FBXL2: variants seen among roughly 807,000 people sequenced by gnomAD.
FBXL2 encodes F-box and leucine rich repeat protein 2, also known as F-box/LRR-repeat protein 2.
A neutral mutation model predicts 69.2 loss-of-function variants in FBXL2; 38 were observed. The ratio of observed to expected loss-of-function variants is 0.55; its 90% confidence interval spans 0.42 to 0.72. The LOEUF (loss-of-function observed/expected upper bound fraction) is 0.72, where lower values mean the gene tolerates loss of function less well. Among genes scored for constraint, FBXL2 ranks in the 30% least tolerant of loss-of-function variants. The pLI, the probability that FBXL2 is intolerant of heterozygous loss-of-function variation, is 0.00. For missense variants in FBXL2, 354 were observed against 520.3 expected (o/e 0.68, Z 3.11); for synonymous variants, 192 against 201.3 (o/e 0.95, Z 0.39).
intron 5 of FBXL2, among the ~76,000 whole-genome samples, chr3:33,367,460 A>G (rs1206764924): frequency 6.6e-6 from 1 of 152,138 alleles, no homozygotes. Context: ...CTTTCAAGGA[A>G]TTTGTCAATT....
chr3:33,306,561 G>T (rs1202937036), intron 2 of FBXL2, among the ~76,000 whole-genome samples: 1 of 152,084 alleles, frequency 6.6e-6, no homozygotes, highest in Non-Finnish European at 1.5e-5. Context: ...TAATCTGCAG[G>T]TCCCCTCTCC....
chr3:33,317,409 A>G (rs1045989214), intron 2 of FBXL2: 1 of 454,872 alleles, frequency 2.2e-6, no homozygotes, highest in Non-Finnish European at 4.4e-6. Flanking sequence ...CCTCTCCATC[A>G]GATCTGGATG....
intron 2 of FBXL2, among the ~76,000 whole-genome samples, chr3:33,332,768 A>G (rs1314010602): frequency 6.6e-6 from 1 of 152,218 alleles, no homozygotes; most frequent in African/African-American, 2.4e-5. Context: ...TGATTGTAAC[A>G]CGGTGGTATT....
At chr3:33,369,704 C>T (rs1019423880) in intron 5 of FBXL2, among the ~76,000 whole-genome samples, 1 of 152,060 alleles carries the variant, frequency 6.6e-6, no homozygotes, top group Non-Finnish European at 1.5e-5. Context: ...CGTCTGCCTC[C>T]CAGGTTCAAG....
At chr3:33,378,889 G>T in intron 13 of FBXL2, 148 bp downstream of exon 13, 2 of 1,427,416 alleles carry the variant, frequency 1.4e-6, no homozygotes. Context: ...TGGGAGGCAA[G>T]GTATCTAAAT....
At chr3:33,308,381 A>C (rs2036902546) in intron 2 of FBXL2, among the ~76,000 whole-genome samples, 1 of 152,194 alleles carries the variant, frequency 6.6e-6, no homozygotes, top group Non-Finnish European at 1.5e-5. Flanking sequence ...CATTTTCAGT[A>C]CACTGAATTT....
chr3:33,411,784 T>C, the FBXL2 span: 1 of 946,382 alleles, frequency 1.1e-6, no homozygotes, highest in Non-Finnish European at 1.7e-6. Flanking sequence ...TAACTGTAAC[T>C]GCTTTGAACT....
rs1458471434 is a variant in FBXL2, at chr3:33,337,909, G to C, written c.66-21058G>C. Among the ~76,000 whole-genome samples the C allele has an allele frequency of 2.0e-5, 3 of 152,170 alleles. No individual in the cohort carries two copies. The East Asian group carries it at 5.8e-4, about 29-fold the overall frequency. On this transcript the variant is annotated intron_variant, in intron 2 of 14. Coordinates refer to ENST00000484457, the MANE Select transcript of FBXL2 (RefSeq NM_012157.5). ...AATGCCTAGCAAAACAGCTAACTAG[G>C]GAAGTGAAAGATCTCTACAATGAGA...
intron 2 of FBXL2, among the ~76,000 whole-genome samples, chr3:33,315,347 G>A (rs1441554113): frequency 7.0e-6 from 1 of 142,652 alleles, no homozygotes; most frequent in Non-Finnish European, 1.5e-5. Context: ...TTTTGCCATG[G>A]CAGTGAAGAC....
intron 2 of FBXL2, among the ~76,000 whole-genome samples, chr3:33,338,677 A>G (rs1357962523): frequency 1.3e-5 from 2 of 152,208 alleles, no homozygotes; most frequent in East Asian, 3.9e-4. Context: ...GCAATGGGGA[A>G]AGGATTCCCT....
intron 1 of FBXL2, among the ~76,000 whole-genome samples, chr3:33,290,566 A>G (rs1489764196): frequency 2.0e-5 from 3 of 152,246 alleles, no homozygotes; most frequent in African/African-American, 7.2e-5. Context: ...TTCTCCAAGT[A>G]GAAATGCTAG....
intron 1 of FBXL2, among the ~76,000 whole-genome samples, chr3:33,294,420 A>G (rs557651103): frequency 1.3e-5 from 2 of 152,302 alleles, no homozygotes; most frequent in South Asian, 4.2e-4. Flanking sequence ...TTATTAATCA[A>G]TAGGTGAAAG....
chr3:33,383,611 A>T, intron 13 of FBXL2: 1 of 235,358 alleles, frequency 4.2e-6, no homozygotes, highest in Non-Finnish European at 8.5e-6. Context: ...CTGGCCAATA[A>T]AACTGCTCTC....
chr3:33,352,819 C>T (rs1257384815), intron 2 of FBXL2, among the ~76,000 whole-genome samples: 5 of 152,058 alleles, frequency 3.3e-5, no homozygotes, highest in African/African-American at 9.7e-5. Flanking sequence ...TGCTTGAATA[C>T]GGGAGGCGGT....
chr3:33,393,396 C>G lies in FBXL2; in HGVS notation n.1214+7668C>G, dbSNP rs200981129. Reference sequence around the variant, plus strand: ...GGTGGAGAGGGATATTAAACACCAGCGCAAGTTTTCGAGCAACTTCTGAGG... The same window carrying G: ...GGTGGAGAGGGATATTAAACACCAGGGCAAGTTTTCGAGCAACTTCTGAGG... On this transcript the variant is annotated intron_variant and non_coding_transcript_variant, in intron 12 of 12. Transcript: ENST00000463736. 1.6e-5 allele frequency: 26 copies of G among 1,613,124 alleles called. No individual in the cohort carries two copies. In the East Asian group the frequency reaches 5.6e-4, roughly 35 times the overall value.
At chr3:33,335,365 CT>C (rs972276923) in intron 2 of FBXL2, among the ~76,000 whole-genome samples, 2 of 152,010 alleles carry the variant, frequency 1.3e-5, no homozygotes, top group Admixed American at 6.5e-5. Flanking sequence ...TATGAAATCC[CT>C]TTTACCTCTT....
At chr3:33,411,744 T>C in the FBXL2 span, 4 of 1,321,156 alleles carry the variant, frequency 3.0e-6, no homozygotes, top group South Asian at 2.4e-5. Flanking sequence ...TTAAAAAACT[T>C]ACAACTTACT....
At chr3:33,397,079 C>A in intron 12 of FBXL2, 1 of 1,603,074 alleles carries the variant, frequency 6.2e-7, no homozygotes, top group South Asian at 1.1e-5. Flanking sequence ...CGAATTCCAT[C>A]GGCTGCACCA....
chr3:33,384,807 G>A (rs1023634571), intron 14 of FBXL2, among the ~76,000 whole-genome samples: 4 of 152,104 alleles, frequency 2.6e-5, no homozygotes, highest in Admixed American at 1.3e-4. Flanking sequence ...TTGGGAGGCC[G>A]AGGCGGGCGG....
Sources: allele counts gnomAD v4.1 joint callset (sites outside exome capture counted in the v4.1 genomes callset), GRCh38; gene constraint gnomAD v4.1.1; transcripts MANE v1.5; gene names NCBI Gene and HGNC (gene_info 2026-07-23, HGNC 2026-07-21).